Variants in CLIC5 observed in about 807,000 individuals in gnomAD.
CLIC5 encodes the protein CLIC family member 5, also known as chloride intracellular channel protein 5.
In CLIC5, 20 loss-of-function variants were observed where a neutral mutation model predicts 24.7. The observed-to-expected ratio is 0.81, with a 90% CI of 0.57 to 1.18. The LOEUF (loss-of-function observed/expected upper bound fraction) is 1.18, where lower values mean the gene tolerates loss of function less well. CLIC5 is among the 50% of genes most tolerant of loss of function. The pLI, the probability that CLIC5 is intolerant of heterozygous loss-of-function variation, is 0.00. For synonymous variants in CLIC5, 159 were observed against 135.6 expected (o/e 1.17, Z -1.20); for missense variants, 341 against 326.1 (o/e 1.05, Z -0.35).
At chr6:45,920,439 A>C (rs1763210686) in intron 4 of CLIC5, 2 of 428,670 alleles carry the variant, frequency 4.7e-6, no homozygotes, top group Non-Finnish European at 6.2e-6. Flanking sequence ...TCATCTTCTC[A>C]TTTGAGATCA....
chr6:46,085,265 C>T (rs1358295921), upstream of CLIC5, among the ~76,000 whole-genome samples: 1 of 152,242 alleles, frequency 6.6e-6, no homozygotes, highest in East Asian at 1.9e-4. Context: ...AAGCCTTCTT[C>T]TCTCAACTCG....
intron 1 of CLIC5, among the ~76,000 whole-genome samples, chr6:45,964,022 T>C (rs1764937546): frequency 6.6e-6 from 1 of 152,230 alleles, no homozygotes; most frequent in Non-Finnish European, 1.5e-5. Context: ...CCTTGGTATG[T>C]CTTCCAAGTG....
At chr6:46,065,595 A>T (rs1335239911) in intron 1 of CLIC5, among the ~76,000 whole-genome samples, 2 of 152,214 alleles carry the variant, frequency 1.3e-5, no homozygotes, top group African/African-American at 4.8e-5. Flanking sequence ...AGTAATAAAA[A>T]GGGACCAACT....
chr6:46,101,914 G>A, the CLIC5 span, among the ~76,000 whole-genome samples: 2 of 150,752 alleles, frequency 1.3e-5, no homozygotes, highest in African/African-American at 2.4e-5. Flanking sequence ...CATTCCTGGG[G>A]GAAAAAATAT....
intron 1 of CLIC5, among the ~76,000 whole-genome samples, chr6:45,974,520 T>TATAG (rs1182752407): frequency 1.5e-5 from 1 of 66,974 alleles, no homozygotes; most frequent in South Asian, 6.7e-4. Flanking sequence ...TATATATATA[T>TATAG]ATAGAGAGAG....
chr6:45,946,326 T>A (rs941693310), intron 3 of CLIC5, among the ~76,000 whole-genome samples: 9 of 152,362 alleles, frequency 5.9e-5, no homozygotes, highest in African/African-American at 2.2e-4. Context: ...GAGGGATGGA[T>A]GTTAGTCTCA....
chr6:46,063,395 T>C (rs1762348402), intron 1 of CLIC5, among the ~76,000 whole-genome samples: 1 of 152,212 alleles, frequency 6.6e-6, no homozygotes, highest in African/African-American at 2.4e-5. Flanking sequence ...TATGAAATGA[T>C]GGTTTTCAGA....
At chr6:46,074,197 C>T (rs1034007709) in intron 1 of CLIC5, among the ~76,000 whole-genome samples, 1 of 152,076 alleles carries the variant, frequency 6.6e-6, no homozygotes, top group African/African-American at 2.4e-5. Flanking sequence ...GTACACTGTG[C>T]TCATTGTAAA....
At chr6:45,990,744 A>G (rs953037724) in intron 1 of CLIC5, among the ~76,000 whole-genome samples, 2 of 152,224 alleles carry the variant, frequency 1.3e-5, no homozygotes, top group Non-Finnish European at 2.9e-5. Context: ...AGGTCAAAAT[A>G]AAACTTGAGT....
At chr6:46,079,984 T>C (rs542232598) in exon 1 of CLIC5, 2 of 1,551,538 alleles carry the variant, frequency 1.3e-6, no homozygotes, top group Admixed American at 3.9e-5. Context: ...TCAGAGTATA[T>C]CTCATCAGGC....
intron 1 of CLIC5, among the ~76,000 whole-genome samples, chr6:46,023,284 C>T (rs1391248575): frequency 6.6e-6 from 1 of 152,134 alleles, no homozygotes; most frequent in African/African-American, 2.4e-5. Context: ...TCCTTATTAG[C>T]TCACTTCATT....
At chr6:45,942,888 G>C (rs2127370140) in intron 3 of CLIC5, among the ~76,000 whole-genome samples, 1 of 152,320 alleles carries the variant, frequency 6.6e-6, no homozygotes, top group East Asian at 1.9e-4. Flanking sequence ...GAAGGGAACT[G>C]GATACCTGAG....
chr6:45,971,016 C>G (rs1408160900), intron 1 of CLIC5, among the ~76,000 whole-genome samples: 2 of 152,188 alleles, frequency 1.3e-5, no homozygotes, highest in Non-Finnish European at 2.9e-5. Flanking sequence ...AAATACAAAA[C>G]TGCCCCATTG....
chr6:46,025,887 C>G (rs532805799), intron 1 of CLIC5, among the ~76,000 whole-genome samples: 1 of 152,166 alleles, frequency 6.6e-6, no homozygotes, highest in Non-Finnish European at 1.5e-5. Flanking sequence ...TTCTCTCTCT[C>G]TCCTCCCGCC....
chr6:45,907,394 T>G (rs765008916), intron 5 of CLIC5, among the ~76,000 whole-genome samples: 23 of 152,212 alleles, frequency 1.5e-4, no homozygotes, highest in Non-Finnish European at 2.9e-5. Context: ...CAATGTGAAT[T>G]AACTATTTGA....
At chr6:45,958,433 T>TATATATATATATATACACACACACACAC (rs1764725538) in intron 1 of CLIC5, among the ~76,000 whole-genome samples, 1 of 4,766 alleles carries the variant, frequency 2.1e-4, no homozygotes, top group African/African-American at 3.8e-4. Flanking sequence ...TATATATATA[T>TATATATATATATATACACACACACACAC]ATATATATAT....
In CLIC5 at chr6:45,985,828, A is replaced by T. The variant is rs185108622; in HGVS notation, c.63+29652T>A. On this transcript the variant is annotated intron_variant, in intron 1 of 5. Transcript: ENST00000339561. ...GTTCTCCCATGTATAGGCCTCAATT[A>T]TCTCTTGTTGGTGCCTGATGTGGTT... 1.6e-3 allele frequency among the ~76,000 whole-genome samples: 240 copies of T among 152,056 alleles called. 6 individuals carry two copies. Among genetic ancestry groups the T allele is most frequent in the Non-Finnish European group, 2.6e-4 (18 of 68,002 alleles).
intron 6 of CLIC5, among the ~76,000 whole-genome samples, chr6:45,888,390 T>G (rs913710637): frequency 2.6e-5 from 4 of 152,028 alleles, no homozygotes; most frequent in Non-Finnish European, 4.4e-5. Flanking sequence ...GTTCCTAGAG[T>G]TTCAGGGAAA....
chr6:46,074,093 T>A (rs1378341717), intron 1 of CLIC5, among the ~76,000 whole-genome samples: 1 of 152,182 alleles, frequency 6.6e-6, no homozygotes, highest in African/African-American at 2.4e-5. Context: ...AATGTTTTTT[T>A]AAAATTGCAT....
Sources: gnomAD v4.1 joint callset for allele counts (sites outside exome capture counted in the v4.1 genomes callset) on GRCh38, gnomAD v4.1.1 for gene constraint, MANE v1.5 for transcripts, NCBI Gene and HGNC (gene_info 2026-07-23, HGNC 2026-07-21) for gene names.